The following PARVA variants were observed in gnomAD, a reference collection of about 807,000 sequenced individuals.
The protein encoded by PARVA is alpha-parvin.
PARVA carries 25 observed loss-of-function variants against 52.6 expected under a neutral mutation model. The observed-to-expected ratio is 0.48, with a 90% CI of 0.35 to 0.66. The LOEUF (loss-of-function observed/expected upper bound fraction) is 0.66. PARVA is among the 30% of genes least tolerant of loss of function. The pLI is 0.01. For missense variants in PARVA, 373 were observed against 450.9 expected (o/e 0.83, Z 1.56); for synonymous variants, 185 against 179.1 (o/e 1.03, Z -0.26).
rs541741796 is a variant in PARVA, at chr11:12,450,961, TCTC to T, written c.137-22780_137-22778del. 4.6e-3 allele frequency among the ~76,000 whole-genome samples: 695 copies of T among 152,230 alleles called. 4 individuals are homozygous for T. Among genetic ancestry groups the T allele is most frequent in the Non-Finnish European group, 7.9e-3 (540 of 68,026 alleles). On this transcript the variant is annotated intron_variant, in intron 1 of 12. Transcript: ENST00000334956. ...CTAGTCCACTAACTCAAAATGTTAA[TCTC>T]CTCTGGCAACACCCTCACAGACACA...
At chr11:12,457,075 C>G (rs1302502182) in intron 1 of PARVA, among the ~76,000 whole-genome samples, 1 of 152,196 alleles carries the variant, frequency 6.6e-6, no homozygotes, top group African/African-American at 2.4e-5. Flanking sequence ...CTAGAAGATG[C>G]AACTGGAATG....
intron 5 of PARVA, among the ~76,000 whole-genome samples, chr11:12,501,643 CTCT>C (rs1286285443): frequency 1.3e-5 from 2 of 152,150 alleles, no homozygotes; most frequent in Non-Finnish European, 2.9e-5. Context: ...CTAAACCATC[CTCT>C]TGTTATTGGA....
intron 1 of PARVA, among the ~76,000 whole-genome samples, chr11:12,414,376 T>C (rs1387741361): frequency 2.0e-5 from 3 of 151,674 alleles, no homozygotes; most frequent in African/African-American, 7.3e-5. Context: ...GTGGTTTAAA[T>C]GCGAAACTTT....
intron 1 of PARVA, among the ~76,000 whole-genome samples, chr11:12,395,368 G>T (rs1476832164): frequency 6.6e-6 from 1 of 152,200 alleles, no homozygotes; most frequent in East Asian, 1.9e-4. Flanking sequence ...GTCTTCAGGG[G>T]CTCTGTTTGG....
chr11:12,392,332 G>C (rs981393579), intron 1 of PARVA, among the ~76,000 whole-genome samples: 2 of 149,414 alleles, frequency 1.3e-5, no homozygotes, highest in Non-Finnish European at 3.0e-5. Context: ...GCAGTGGCGC[G>C]ATGTCAGCTC....
chr11:12,533,860 G>A lies in PARVA; in HGVS notation c.*5935G>A, dbSNP rs529483077. 2.6e-5 allele frequency among the ~76,000 whole-genome samples: 4 copies of A among 152,008 alleles called. No homozygotes were observed. The highest frequency in any genetic ancestry group is 1.9e-4 in the East Asian group (1 of 5,170). ...AGGGGTTGGTCTTGCTGTCTGAGGG[G>A]TGGCAGAGGCAGAAAAAAAATCCAT... On this transcript the variant is annotated 3_prime_UTR_variant, in exon 13 of 13. Transcript: ENST00000334956.
At chr11:12,411,031 G>T (rs939980920) in intron 1 of PARVA, among the ~76,000 whole-genome samples, 4 of 152,138 alleles carry the variant, frequency 2.6e-5, no homozygotes, top group African/African-American at 9.7e-5. Flanking sequence ...ATCAAGTATG[G>T]TACTTAGCAG....
chr11:12,482,118 T>C (rs2135045849), intron 4 of PARVA, among the ~76,000 whole-genome samples: 1 of 145,482 alleles, frequency 6.9e-6, no homozygotes, highest in Admixed American at 7.0e-5. Context: ...ATCGTGCCAT[T>C]GCACTCCAGC....
chr11:12,512,786 G>T (rs1941518452), intron 8 of PARVA, among the ~76,000 whole-genome samples: 1 of 152,100 alleles, frequency 6.6e-6, no homozygotes, highest in African/African-American at 2.4e-5. Flanking sequence ...GGCACAAAGA[G>T]TTGAAGTGGC....
intron 1 of PARVA, among the ~76,000 whole-genome samples, chr11:12,378,196 C>T (rs1939432811): frequency 1.3e-5 from 2 of 152,130 alleles, no homozygotes; most frequent in African/African-American, 2.4e-5. Context: ...CCCAAGTTTC[C>T]GCTGCAGCTT....
intron 5 of PARVA, among the ~76,000 whole-genome samples, chr11:12,503,669 G>A (rs972982032): frequency 6.6e-6 from 1 of 152,066 alleles, no homozygotes; most frequent in Non-Finnish European, 1.5e-5. Context: ...AGGAGTTCGA[G>A]GCTGCAGTGA....
intron 7 of PARVA, among the ~76,000 whole-genome samples, chr11:12,510,823 T>G (rs1023146966): frequency 1.1e-4 from 16 of 152,158 alleles, no homozygotes; most frequent in African/African-American, 3.6e-4. Context: ...ACGTAGGAAT[T>G]CTGGGAGATA....
intron 12 of PARVA, among the ~76,000 whole-genome samples, chr11:12,521,655 G>A (rs540517377): frequency 1.3e-5 from 2 of 152,156 alleles, no homozygotes; most frequent in South Asian, 4.2e-4. Flanking sequence ...TAAATTTAGG[G>A]TCTTGAGATG....
intron 1 of PARVA, among the ~76,000 whole-genome samples, chr11:12,405,803 C>T (rs1312874188): frequency 6.6e-6 from 1 of 151,948 alleles, no homozygotes; most frequent in Non-Finnish European, 1.5e-5. Flanking sequence ...CTAAAAAATA[C>T]AAAAATTAGC....
intron 1 of PARVA, among the ~76,000 whole-genome samples, chr11:12,469,968 C>G (rs1940911703): frequency 6.6e-6 from 1 of 152,178 alleles, no homozygotes; most frequent in African/African-American, 2.4e-5. Flanking sequence ...TGTTTCAATA[C>G]CTCTCCATTT....
chr11:12,394,047 G>A (rs1193972840), intron 1 of PARVA, among the ~76,000 whole-genome samples: 1 of 152,092 alleles, frequency 6.6e-6, no homozygotes, highest in Non-Finnish European at 1.5e-5. Context: ...CCTATGCCAG[G>A]CACTGTTCTA....
intron 1 of PARVA, among the ~76,000 whole-genome samples, chr11:12,400,412 C>T (rs1939809706): frequency 6.6e-6 from 1 of 152,190 alleles, no homozygotes; most frequent in Non-Finnish European, 1.5e-5. Context: ...CAAACTACTT[C>T]AGATTGGAGG....
chr11:12,515,466 C>T lies in PARVA; in HGVS notation c.867+1401C>T, dbSNP rs148563366. Among the ~76,000 whole-genome samples, 159 of 152,270 alleles carry T rather than the reference C, an allele frequency of 1.0e-3. 3 individuals are homozygous for T. The East Asian group carries it at 0.026, about 25-fold the overall frequency. ...GAATGGGCCCTGGAATGATCAGCTCCGTTTTCAAGGGCAGGGAGTGCTATG... is the reference window on the plus strand; with the variant it reads ...GAATGGGCCCTGGAATGATCAGCTCTGTTTTCAAGGGCAGGGAGTGCTATG... On this transcript the variant is annotated intron_variant, in intron 10 of 12. Coordinates refer to ENST00000334956, the MANE Select transcript of PARVA (RefSeq NM_018222.5).
At chr11:12,468,808 T>C (rs1312851965) in intron 1 of PARVA, among the ~76,000 whole-genome samples, 2 of 152,204 alleles carry the variant, frequency 1.3e-5, no homozygotes, top group Admixed American at 1.3e-4. Context: ...TATAATATCC[T>C]GACACAATAA....
Sources: gnomAD v4.1 joint callset for allele counts (sites outside exome capture counted in the v4.1 genomes callset) on GRCh38, gnomAD v4.1.1 for gene constraint, MANE v1.5 for transcripts, NCBI Gene and HGNC (gene_info 2026-07-23, HGNC 2026-07-21) for gene names.